Variants in CNBD1 observed in about 807,000 individuals in gnomAD.
CNBD1 encodes the protein cyclic nucleotide-binding domain-containing protein 1.
A neutral mutation model predicts 54.4 loss-of-function variants in CNBD1; 71 were observed. The observed-to-expected ratio is 1.30, with a 90% CI of 1.08 to 1.59. The LOEUF is 1.59. Ranked by LOEUF, CNBD1 falls within the 40% of genes most tolerant of loss-of-function variation. CNBD1 has a pLI of 0.00. For synonymous variants in CNBD1, 182 were observed against 170.7 expected, an observed-to-expected ratio of 1.07 and a Z score of -0.51; for missense variants, 659 against 518.0, an observed-to-expected ratio of 1.27 and a Z score of -2.64.
rs1233591225 is a variant in CNBD1, at chr8:87,036,794, A to T, written c.431+97040A>T. On this transcript the variant is annotated intron_variant, in intron 4 of 10. Coordinates refer to ENST00000518476, the MANE Select transcript of CNBD1 (RefSeq NM_173538.3). The stretch of plus-strand genomic sequence containing the variant: ...CTAATAATAAAGTCCAATATATCAG[A>T]TAACATATCATTTTTTTCCCTAGAA... Among the ~76,000 whole-genome samples, 4 of 152,208 alleles carry T rather than the reference A, an allele frequency of 2.6e-5. No homozygotes were observed. The South Asian group carries it at 8.3e-4, about 32-fold the overall frequency.
chr8:87,394,591 T>G (rs972018562), intron 2 of CNBD1, among the ~76,000 whole-genome samples: 24 of 151,942 alleles, frequency 1.6e-4, no homozygotes, highest in African/African-American at 5.8e-4. Flanking sequence ...GTATAGTCAA[T>G]GCCATGGTGA....
chr8:87,398,788 A>G (rs913939912), intron 2 of CNBD1, among the ~76,000 whole-genome samples: 1 of 151,992 alleles, frequency 6.6e-6, no homozygotes. Flanking sequence ...AGGCTTCTAC[A>G]TGCCATTTTT....
At chr8:87,355,452 T>C (rs933948870) in intron 10 of CNBD1, among the ~76,000 whole-genome samples, 1 of 152,152 alleles carries the variant, frequency 6.6e-6, no homozygotes, top group African/African-American at 2.4e-5. Flanking sequence ...TAAGACTTTA[T>C]CTAAAATTTT....
At chr8:87,120,732 A>C (rs116730670) in intron 4 of CNBD1, among the ~76,000 whole-genome samples, 4 of 151,858 alleles carry the variant, frequency 2.6e-5, no homozygotes, top group African/African-American at 9.7e-5. Context: ...TTTTTGCTGT[A>C]TCTCACAGGT....
chr8:86,926,858 A>T (rs532629722), intron 3 of CNBD1, among the ~76,000 whole-genome samples: 1 of 152,306 alleles, frequency 6.6e-6, no homozygotes, highest in African/African-American at 2.4e-5. Flanking sequence ...TAAACTGGCT[A>T]TTCTGGCTTC....
intron 3 of CNBD1, among the ~76,000 whole-genome samples, chr8:86,932,972 G>A (rs1186788170): frequency 6.6e-6 from 1 of 152,068 alleles, no homozygotes; most frequent in Non-Finnish European, 1.5e-5. Flanking sequence ...GTCGTATTTA[G>A]TGGCCCTTAC....
chr8:86,912,433 C>T (rs1809114872), intron 3 of CNBD1, among the ~76,000 whole-genome samples: 2 of 152,136 alleles, frequency 1.3e-5, no homozygotes, highest in South Asian at 4.1e-4. Context: ...TCACATATAC[C>T]ATGGTGGTCC....
rs1429956959 is a variant in CNBD1, at chr8:87,326,653, A to G, written c.1043-25032A>G. ...TTCTCGAGCCTTGGTTTTCAGCTCC[A>G]TCAGCTCCTTTAAGCACTTCTCTGT... On this transcript the variant is annotated intron_variant, in intron 8 of 10. Coordinates refer to ENST00000518476, the MANE Select transcript of CNBD1 (RefSeq NM_173538.3). Among the ~76,000 whole-genome samples, 20 of 109,134 alleles carry G rather than the reference A, an allele frequency of 1.8e-4. 1 individual carries two copies. The East Asian group carries it at 4.4e-3, about 24-fold the overall frequency. The allele number at this position is 109,134 out of a possible 152,430, so 71.6% of individuals were successfully genotyped here. A position where few individuals can be genotyped will look rare whatever the true frequency, so the allele number is the denominator to read the frequency against.
At chr8:87,079,860 TTG>T (rs1223609648) in intron 4 of CNBD1, among the ~76,000 whole-genome samples, 1 of 152,172 alleles carries the variant, frequency 6.6e-6, no homozygotes, top group Non-Finnish European at 1.5e-5. Flanking sequence ...CTGTTATGCT[TTG>T]TGATATTTGT....
chr8:86,920,658 G>A (rs1809256240), intron 3 of CNBD1, among the ~76,000 whole-genome samples: 2 of 152,178 alleles, frequency 1.3e-5, no homozygotes, highest in Admixed American at 1.3e-4. Context: ...TCAGAAGTCT[G>A]TATGCTCAGT....
chr8:87,025,471 A>C (rs1468590742), intron 4 of CNBD1, among the ~76,000 whole-genome samples: 9 of 152,212 alleles, frequency 5.9e-5, no homozygotes. Context: ...CAGTGAGTGG[A>C]ACAAACAACT....
intron 4 of CNBD1, among the ~76,000 whole-genome samples, chr8:87,109,192 GA>G (rs1811606039): frequency 6.6e-6 from 1 of 151,786 alleles, no homozygotes; most frequent in Non-Finnish European, 1.5e-5. Flanking sequence ...CTTATTGAGG[GA>G]AAAAAATAAA....
intron 8 of CNBD1, among the ~76,000 whole-genome samples, chr8:87,307,946 G>A (rs1222087620): frequency 6.6e-6 from 1 of 151,966 alleles, no homozygotes; most frequent in Admixed American, 6.6e-5. Flanking sequence ...GTATCCACAA[G>A]TTAAACTAAT....
chr8:87,325,651 G>A (rs1809651258), intron 8 of CNBD1, among the ~76,000 whole-genome samples: 2 of 136,182 alleles, frequency 1.5e-5, no homozygotes, highest in Admixed American at 7.3e-5. Flanking sequence ...TTTTCCATTT[G>A]CTTGGTAGAT....
At chr8:87,180,877 T>G (rs1249628453) in intron 4 of CNBD1, among the ~76,000 whole-genome samples, 2 of 152,068 alleles carry the variant, frequency 1.3e-5, no homozygotes, top group East Asian at 3.9e-4. Context: ...GCAGCTCCAC[T>G]CCTATTTTTT....
intron 4 of CNBD1, among the ~76,000 whole-genome samples, chr8:86,978,209 C>T (rs1224506801): frequency 6.6e-6 from 1 of 151,958 alleles, no homozygotes; most frequent in African/African-American, 2.4e-5. Context: ...GAAAAAAATC[C>T]ACTTTTTACT....
At chr8:87,334,608 T>A (rs1809903656) in intron 8 of CNBD1, among the ~76,000 whole-genome samples, 1 of 152,162 alleles carries the variant, frequency 6.6e-6, no homozygotes, top group Admixed American at 6.5e-5. Flanking sequence ...GAACTTGATT[T>A]CTGCCTTAAT....
chr8:87,364,464 T>C (rs1480458322), intron 10 of CNBD1, among the ~76,000 whole-genome samples: 1 of 149,782 alleles, frequency 6.7e-6, no homozygotes, highest in Non-Finnish European at 1.5e-5. Flanking sequence ...TTAAATCCAA[T>C]TTGTCTTTTT....
intron 10 of CNBD1, among the ~76,000 whole-genome samples, chr8:87,377,286 A>G (rs938284706): frequency 1.3e-4 from 19 of 150,046 alleles, no homozygotes; most frequent in Admixed American, 6.6e-5. Context: ...ATATCTCCCA[A>G]TGCTATCCCT....
Sources: gnomAD v4.1 joint callset for allele counts (sites outside exome capture counted in the v4.1 genomes callset) on GRCh38, gnomAD v4.1.1 for gene constraint, MANE v1.5 for transcripts, NCBI Gene and HGNC (gene_info 2026-07-23, HGNC 2026-07-21) for gene names.